The following CTNND2 variants were observed in gnomAD, a reference collection of about 807,000 sequenced individuals.
CTNND2 encodes catenin delta 2, also known as catenin delta-2.
CTNND2 carries 22 observed loss-of-function variants against 144.4 expected under a neutral mutation model. The ratio of observed to expected loss-of-function variants is 0.15; its 90% confidence interval spans 0.11 to 0.22. The LOEUF (loss-of-function observed/expected upper bound fraction) is 0.22. CTNND2 is among the 10% of genes least tolerant of loss of function. CTNND2 has a pLI of 1.00. For synonymous variants in CTNND2, 751 were observed against 695.6 expected (o/e 1.08, Z -1.25); for missense variants, 1,353 against 1,618.8 (o/e 0.84, Z 2.82).
chr5:11,661,811 T>A (rs536165215), intron 2 of CTNND2, among the ~76,000 whole-genome samples: 1 of 152,160 alleles, frequency 6.6e-6, no homozygotes, highest in East Asian at 1.9e-4. Flanking sequence ...GTTTTATATA[T>A]GTCACGGACT....
intron 3 of CTNND2, among the ~76,000 whole-genome samples, chr5:11,435,201 C>T (rs143026185): frequency 1.1e-3 from 172 of 151,830 alleles, no homozygotes; most frequent in African/African-American, 3.5e-3. Flanking sequence ...TACAGTGGCG[C>T]GATCACAGCT....
At chr5:11,125,357 G>C (rs1373772247) in intron 12 of CTNND2, among the ~76,000 whole-genome samples, 1 of 152,196 alleles carries the variant, frequency 6.6e-6, no homozygotes, top group Non-Finnish European at 1.5e-5. Context: ...GGAGTGGCTG[G>C]CTTCCTTATT....
rs1580973159 is a variant in CTNND2, at chr5:11,346,404, G to A, written c.1596C>T (p.Ser532=). The change falls in exon 9 of 22, where the codon TCC becomes TCT. Residue 532 remains serine (S), a synonymous_variant. Transcript: ENST00000304623. ...ALPPEGTLAR[S]PSIDSIQKDP... ...CTTTCTGAATGCTATCAATGGACGG[G>A]GACCTGGCCAAGGTGCCTTCAGGCG... The A allele has an allele frequency of 2.6e-6, 4 of 1,509,984 alleles. No homozygotes were observed. Among genetic ancestry groups the A allele is most frequent in the East Asian group, 2.5e-5 (1 of 39,824 alleles). The allele number at this position is 1,509,984 out of a possible 1,614,324, so 93.5% of individuals were successfully genotyped here.
chr5:11,507,658 T>C (rs1771193698), intron 3 of CTNND2, among the ~76,000 whole-genome samples: 3 of 152,296 alleles, frequency 2.0e-5, no homozygotes, highest in Admixed American at 1.3e-4. Context: ...TCCTGGTCTT[T>C]ATAACACTCA....
chr5:11,543,673 G>A (rs972267431), intron 3 of CTNND2, among the ~76,000 whole-genome samples: 1 of 149,960 alleles, frequency 6.7e-6, no homozygotes, highest in African/African-American at 2.5e-5. Flanking sequence ...TTCTTTTAAT[G>A]ATAAAGATCA....
chr5:11,700,559 G>A (rs1434289315), intron 2 of CTNND2, among the ~76,000 whole-genome samples: 2 of 152,114 alleles, frequency 1.3e-5, no homozygotes, highest in African/African-American at 2.4e-5. Flanking sequence ...AATGTGCCTC[G>A]GGGTGATGCA....
chr5:11,226,438 CAT>C (rs1254954864), intron 10 of CTNND2, among the ~76,000 whole-genome samples: 2 of 152,174 alleles, frequency 1.3e-5, no homozygotes, highest in Non-Finnish European at 2.9e-5. Flanking sequence ...TCCTTTTTCA[CAT>C]GTCTGATAAA....
In CTNND2 at chr5:11,851,067, A is replaced by G. The variant is rs527639888; in HGVS notation, c.37+52750T>C. 4.6e-5 allele frequency among the ~76,000 whole-genome samples: 7 copies of G among 152,304 alleles called. No homozygotes were observed. The East Asian group carries it at 1.4e-3, about 29-fold the overall frequency. Reference sequence around the variant, plus strand: ...TCCCCCAAAATCAGAATTCTCCTCAAGACTACAACATAAATACCCTGTTTG... The same window carrying G: ...TCCCCCAAAATCAGAATTCTCCTCAGGACTACAACATAAATACCCTGTTTG... On this transcript the variant is annotated intron_variant, in intron 1 of 21. Transcript: ENST00000304623.
At chr5:11,609,862 T>A (rs1290241015) in intron 2 of CTNND2, among the ~76,000 whole-genome samples, 2 of 152,198 alleles carry the variant, frequency 1.3e-5, no homozygotes, top group Non-Finnish European at 2.9e-5. Flanking sequence ...GACAATGAAC[T>A]TCTTCCACTT....
Position 11,603,864 on chromosome 5 carries a change from A to G in CTNND2, c.175-38808T>C, listed in dbSNP as rs373050714. ...GCTTACCATCCAGTTTTATTTTGGAAACACTCCATATTTGATATCTGCTTC... is the reference window on the plus strand; with the variant it reads ...GCTTACCATCCAGTTTTATTTTGGAGACACTCCATATTTGATATCTGCTTC... On this transcript the variant is annotated intron_variant, in intron 2 of 21. Coordinates refer to ENST00000304623, the MANE Select transcript of CTNND2 (RefSeq NM_001332.4). Among the ~76,000 whole-genome samples, 8 of 152,294 alleles carry G rather than the reference A, an allele frequency of 5.3e-5. No homozygotes were observed. In the South Asian group the frequency reaches 1.7e-3, roughly 32 times the overall value.
chr5:11,699,758 TAA>T (rs1234602917), intron 2 of CTNND2, among the ~76,000 whole-genome samples: 1 of 152,214 alleles, frequency 6.6e-6, no homozygotes, highest in Non-Finnish European at 1.5e-5. Flanking sequence ...CCTTTCAAAG[TAA>T]AAATATTTTC....
intron 9 of CTNND2, among the ~76,000 whole-genome samples, chr5:11,320,650 AG>A (rs1030777077): frequency 3.9e-5 from 6 of 152,226 alleles, no homozygotes; most frequent in African/African-American, 1.2e-4. Context: ...AGAGGCAAAG[AG>A]GGAGCTTGTG....
chr5:11,704,617 G>GTGAAACCATTGT (rs1785608899), intron 2 of CTNND2, among the ~76,000 whole-genome samples: 1 of 151,958 alleles, frequency 6.6e-6, no homozygotes, highest in African/African-American at 2.4e-5. Flanking sequence ...GTCCTGGAGG[G>GTGAAACCATTGT]CTCCTCGAAT....
At chr5:11,828,438 G>A (rs1265476268) in intron 1 of CTNND2, among the ~76,000 whole-genome samples, 4 of 152,156 alleles carry the variant, frequency 2.6e-5, no homozygotes, top group African/African-American at 9.6e-5. Flanking sequence ...GCTGAAGCAG[G>A]AGAATTGCCT....
intron 1 of CTNND2, among the ~76,000 whole-genome samples, chr5:11,877,061 T>A (rs989408988): frequency 4.6e-5 from 7 of 152,308 alleles, no homozygotes; most frequent in African/African-American, 1.7e-4. Context: ...GAAGTGCTGT[T>A]AGCAGATATT....
At chr5:11,256,469 T>C (rs1374021566) in intron 9 of CTNND2, among the ~76,000 whole-genome samples, 2 of 152,208 alleles carry the variant, frequency 1.3e-5, no homozygotes, top group African/African-American at 4.8e-5. Context: ...GAGAGCAGGG[T>C]TCATGCTAAG....
intron 3 of CTNND2, among the ~76,000 whole-genome samples, chr5:11,516,088 A>G (rs1004878706): frequency 1.9e-4 from 29 of 152,278 alleles, no homozygotes; most frequent in African/African-American, 6.0e-4. Flanking sequence ...TCTGGGTGAC[A>G]GAGCAAAACA....
chr5:11,750,669 G>A (rs2126784691), intron 1 of CTNND2, among the ~76,000 whole-genome samples: 1 of 151,856 alleles, frequency 6.6e-6, no homozygotes, highest in African/African-American at 2.4e-5. Flanking sequence ...CATTGGTATA[G>A]GTAACATTGG....
intron 10 of CTNND2, among the ~76,000 whole-genome samples, chr5:11,226,851 G>A (rs1383362773): frequency 6.6e-6 from 1 of 152,132 alleles, no homozygotes; most frequent in South Asian, 2.1e-4. Flanking sequence ...GGATTATTGA[G>A]GTCAAAAACA....
Sources: gnomAD v4.1 joint callset for allele counts (sites outside exome capture counted in the v4.1 genomes callset) on GRCh38, gnomAD v4.1.1 for gene constraint, MANE v1.5 for transcripts, NCBI Gene and HGNC (gene_info 2026-07-23, HGNC 2026-07-21) for gene names.